DACH2: variants seen among roughly 807,000 people sequenced by gnomAD.
DACH2 encodes the protein dachshund homolog 2.
DACH2 carries 17 observed loss-of-function variants against 35.8 expected under a neutral mutation model. That is an observed-to-expected ratio of 0.48 (90% CI 0.33 to 0.71). DACH2 has a LOEUF of 0.71. Among genes scored for constraint, DACH2 ranks in the 30% least tolerant of loss-of-function variants. The probability of loss-of-function intolerance (pLI) is 0.02; values close to 1 mark genes in which losing one functional copy is unlikely to be tolerated. For missense variants in DACH2, 469 were observed against 472.7 expected (o/e 0.99, Z 0.07); for synonymous variants, 195 against 177.3 (o/e 1.10, Z -0.79).
intron 1 of DACH2, among the ~76,000 whole-genome samples, chrX:86,157,396 T>A (rs2030584093): frequency 9.0e-6 from 1 of 111,639 alleles, no homozygotes; most frequent in Non-Finnish European, 1.9e-5. Context: ...AATATTGATC[T>A]GTCGCCGGAT....
chrX:86,522,239 A>G (rs986185398), intron 3 of DACH2, among the ~76,000 whole-genome samples: 1 of 111,689 alleles, frequency 9.0e-6, no homozygotes, highest in Admixed American at 9.5e-5. Context: ...AAATGTATGA[A>G]CAATAAGTGT....
rs1333689395 is a variant in DACH2 at position 86,354,781 on chromosome X, G to T, written c.489-22043G>T. Reference sequence around the variant, plus strand: ...ACATGTATACATATGTAACTAACCTGCACAATGTGCACATGTACCCTAAAA... The same window carrying T: ...ACATGTATACATATGTAACTAACCTTCACAATGTGCACATGTACCCTAAAA... On this transcript the variant is annotated intron_variant, in intron 1 of 11. Transcript: ENST00000373125. 1.7e-4 allele frequency among the ~76,000 whole-genome samples: 2 copies of T among 11,718 alleles called. 1 individual carries two copies. The highest frequency in any genetic ancestry group is 2.7e-4 in the Non-Finnish European group (2 of 7,510). The allele number at this position is 11,718 out of a possible 115,157, so 10.2% of individuals were successfully genotyped here.
At chrX:86,317,233 C>T (rs2034930240) in intron 1 of DACH2, among the ~76,000 whole-genome samples, 1 of 111,267 alleles carries the variant, frequency 9.0e-6, no homozygotes, top group South Asian at 3.8e-4. Context: ...ACCTGTGAAC[C>T]ATTTAGATGG....
intron 11 of DACH2, among the ~76,000 whole-genome samples, chrX:86,816,400 T>G (rs1038274828): frequency 1.8e-5 from 2 of 111,837 alleles, no homozygotes; most frequent in Non-Finnish European, 3.8e-5. Context: ...GTCAGGCATA[T>G]TCTAAAAATG....
At chrX:86,467,423 C>CT (rs1015112674) in intron 2 of DACH2, among the ~76,000 whole-genome samples, 8 of 111,856 alleles carry the variant, frequency 7.2e-5, no homozygotes, top group Non-Finnish European at 1.3e-4. Flanking sequence ...TCACTATCAG[C>CT]TTTTTGGTCA....
intron 1 of DACH2, among the ~76,000 whole-genome samples, chrX:86,324,014 C>T (rs1455922989): frequency 9.0e-6 from 1 of 111,720 alleles, no homozygotes; most frequent in East Asian, 2.8e-4. Flanking sequence ...CCTTCTAATC[C>T]TAGGCGAGCC....
chrX:86,697,989 G>A (rs929845833), intron 5 of DACH2, among the ~76,000 whole-genome samples: 1 of 111,518 alleles, frequency 9.0e-6, no homozygotes, highest in Non-Finnish European at 1.9e-5. Flanking sequence ...CAAACACTAA[G>A]TAGGATAAAT....
intron 1 of DACH2, 80 bp from the exon 2 acceptor site, chrX:86,376,744 T>A (rs1297027480): frequency 3.7e-6 from 4 of 1,081,493 alleles, no homozygotes; most frequent in Non-Finnish European, 4.8e-6. Context: ...AATAAAGCCT[T>A]GCTTAATTGG....
chrX:86,430,196 G>C (rs773652853), intron 2 of DACH2, among the ~76,000 whole-genome samples: 5 of 111,971 alleles, frequency 4.5e-5, no homozygotes, highest in African/African-American at 1.6e-4. Context: ...TTACAGTCTT[G>C]TATTGTGAAG....
intron 2 of DACH2, among the ~76,000 whole-genome samples, chrX:86,454,887 G>C (rs768909367): frequency 7.7e-4 from 86 of 111,881 alleles, no homozygotes; most frequent in African/African-American, 2.7e-3. Context: ...TTTTTGTGTT[G>C]ATCATTTCTC....
At chrX:86,534,277 G>A (rs1265675215) in intron 3 of DACH2, among the ~76,000 whole-genome samples, 4 of 111,518 alleles carry the variant, frequency 3.6e-5, no homozygotes, top group Admixed American at 2.9e-4. Flanking sequence ...AGGAAGGGAA[G>A]GAAGAAGTTA....
rs986286516 is a variant in DACH2, at chrX:86,521,806, C to G, written c.640+7415C>G. On this transcript the variant is annotated intron_variant, in intron 3 of 11. Transcript: ENST00000373125. The stretch of plus-strand genomic sequence containing the variant: ...CAGCAGTATCTTATTCACCTGCATT[C>G]AAATGTGTGGAGGAAAAGTTAAATT... Among the ~76,000 whole-genome samples, 7 of 111,672 alleles carry G rather than the reference C, an allele frequency of 6.3e-5. No individual in the cohort carries two copies. In the Admixed American group the frequency reaches 6.7e-4, roughly 11 times the overall value.
chrX:86,421,514 G>A (rs186811185), intron 2 of DACH2, among the ~76,000 whole-genome samples: 53 of 111,108 alleles, frequency 4.8e-4, no homozygotes, highest in Non-Finnish European at 8.7e-4. Context: ...GAGCAAACAC[G>A]GTTTTTGGAA....
At chrX:86,414,911 C>T (rs2036677233) in intron 2 of DACH2, among the ~76,000 whole-genome samples, 1 of 111,410 alleles carries the variant, frequency 9.0e-6, no homozygotes, top group South Asian at 3.7e-4. Flanking sequence ...GTCAGGGTTC[C>T]CTAGAGGGAC....
intron 2 of DACH2, among the ~76,000 whole-genome samples, chrX:86,476,857 C>A (rs906903560): frequency 9.0e-6 from 1 of 110,920 alleles, no homozygotes; most frequent in Non-Finnish European, 1.9e-5. Flanking sequence ...TTTTCATTAT[C>A]ATTTGTTTCA....
At chrX:86,439,391 G>A (rs1334719702) in intron 2 of DACH2, among the ~76,000 whole-genome samples, 1 of 111,870 alleles carries the variant, frequency 8.9e-6, no homozygotes, top group East Asian at 2.8e-4. Context: ...CTGTGAATAA[G>A]TTTTTTAGTT....
chrX:86,294,680 G>A (rs775720671), intron 1 of DACH2, among the ~76,000 whole-genome samples: 1 of 110,418 alleles, frequency 9.1e-6, no homozygotes, highest in Non-Finnish European at 1.9e-5. Context: ...GGAGTACTCT[G>A]TGTGAGGTGT....
At chrX:86,680,330 G>C (rs1658726545) in intron 4 of DACH2, among the ~76,000 whole-genome samples, 1 of 111,860 alleles carries the variant, frequency 8.9e-6, no homozygotes, top group Non-Finnish European at 1.9e-5. Flanking sequence ...TCCATCTATT[G>C]TGTGCAGGTA....
At chrX:86,419,410 C>A (rs1038199574) in intron 2 of DACH2, among the ~76,000 whole-genome samples, 7 of 112,252 alleles carry the variant, frequency 6.2e-5, no homozygotes, top group Middle Eastern at 4.7e-3. Flanking sequence ...CAAGGCACAA[C>A]AAGTCACATC....
Sources: allele counts gnomAD v4.1 joint callset (sites outside exome capture counted in the v4.1 genomes callset), GRCh38; gene constraint gnomAD v4.1.1; transcripts MANE v1.5; gene names NCBI Gene and HGNC (gene_info 2026-07-23, HGNC 2026-07-21).